Variants in ATAD2B observed in about 807,000 individuals in gnomAD.
ATAD2B encodes ATPase family AAA domain-containing protein 2B.
In ATAD2B, 40 loss-of-function variants were observed where a neutral mutation model predicts 167.6. That is an observed-to-expected ratio of 0.24 (90% CI 0.19 to 0.31). ATAD2B has a LOEUF of 0.31. ATAD2B is among the 10% of genes least tolerant of loss of function. The probability of loss-of-function intolerance (pLI) is 1.00; values close to 1 mark genes in which losing one functional copy is unlikely to be tolerated. For synonymous variants in ATAD2B, 579 were observed against 596.5 expected (o/e 0.97, Z 0.43); for missense variants, 1,242 against 1,757.2 (o/e 0.71, Z 5.24).
chr2:23,871,489 A>G (rs534590058), intron 8 of ATAD2B, among the ~76,000 whole-genome samples: 1 of 152,294 alleles, frequency 6.6e-6, no homozygotes, highest in East Asian at 1.9e-4. Context: ...TTTTCTGTCA[A>G]GCCTCACAGG....
intron 22 of ATAD2B, among the ~76,000 whole-genome samples, chr2:23,772,474 G>A (rs550302701): frequency 6.6e-6 from 1 of 151,852 alleles, no homozygotes. Flanking sequence ...TTCTACCTCG[G>A]CTTGAATGAA....
intron 1 of ATAD2B, among the ~76,000 whole-genome samples, chr2:23,902,871 T>C (rs892928813): frequency 6.6e-6 from 1 of 152,088 alleles, no homozygotes; most frequent in African/African-American, 2.4e-5. Context: ...TTGAAACCAG[T>C]CTGAGTAACA....
chr2:23,891,022 T>C (rs1444299675), intron 2 of ATAD2B, among the ~76,000 whole-genome samples: 8 of 46,162 alleles, frequency 1.7e-4, no homozygotes, highest in South Asian at 9.4e-4. Flanking sequence ...ATACTGAGAT[T>C]TTTTTTTTTT....
intron 16 of ATAD2B, among the ~76,000 whole-genome samples, chr2:23,821,349 C>A (rs1043856104): frequency 6.6e-6 from 1 of 152,098 alleles, no homozygotes; most frequent in Admixed American, 6.5e-5. Flanking sequence ...TTTTTTGGGA[C>A]GTTTTGGTAC....
At chr2:23,703,866 G>A in the ATAD2B span, 1 of 1,535,276 alleles carries the variant, frequency 6.5e-7, no homozygotes, top group Non-Finnish European at 8.7e-7. Flanking sequence ...TTCTGCAGGT[G>A]AGAGGCTGCG....
intron 14 of ATAD2B, among the ~76,000 whole-genome samples, chr2:23,830,421 G>A (rs1426223325): frequency 6.6e-6 from 1 of 152,176 alleles, no homozygotes. Flanking sequence ...TTTAAAAATT[G>A]AGTATGCTTG....
chr2:23,820,953 C>CA (rs986027189), intron 16 of ATAD2B, among the ~76,000 whole-genome samples: 19 of 148,500 alleles, frequency 1.3e-4, no homozygotes, highest in East Asian at 3.9e-4. Context: ...CGTCTCAAAA[C>CA]AAAAAAAAAG....
chr2:23,695,016 T>C, the ATAD2B span, among the ~76,000 whole-genome samples: 6 of 151,982 alleles, frequency 3.9e-5, no homozygotes, highest in African/African-American at 1.5e-4. The surrounding 1 kb of genome is among the most constrained non-coding windows in gnomAD (Gnocchi z 7.6). Flanking sequence ...GAAACGAAAG[T>C]AGAGTGATGA....
At chr2:23,847,524 G>A (rs184561367) in intron 13 of ATAD2B, among the ~76,000 whole-genome samples, 1 of 151,908 alleles carries the variant, frequency 6.6e-6, no homozygotes, top group African/African-American at 2.4e-5. Context: ...AGTCAGGTGG[G>A]TACAGTGGCA....
At chr2:23,842,722 A>T (rs544632638) in intron 13 of ATAD2B, among the ~76,000 whole-genome samples, 148 of 152,312 alleles carry the variant, frequency 9.7e-4, no homozygotes, top group Non-Finnish European at 1.9e-3. Flanking sequence ...AGGACACCCC[A>T]AACTCAGTCT....
rs1481095138 is a variant in ATAD2B, at chr2:23,770,321, T to TAAAC, written c.3134-4694_3134-4693insGTTT. On this transcript the variant is annotated intron_variant, in intron 22 of 27. Transcript: ENST00000238789. ...ACAGAGCAACTCTGTCTCCAAAAAA[T>TAAAC]AAATAAACAAATAAATAAATAAATA... Among the ~76,000 whole-genome samples the TAAAC allele has an allele frequency of 1.6e-3, 33 of 20,476 alleles. No individual in the cohort carries two copies. The South Asian group carries it at 0.027, about 17-fold the overall frequency. 13.4% of individuals were successfully genotyped at this position (20,476 alleles called of 152,430 possible).
intron 7 of ATAD2B, among the ~76,000 whole-genome samples, chr2:23,877,964 G>A (rs913468944): frequency 7.9e-6 from 1 of 127,316 alleles, no homozygotes; most frequent in Admixed American, 9.8e-5. Context: ...AGAATGCAGT[G>A]AGCCATGTTC....
At chr2:23,778,862 A>G (rs1679554278) in intron 22 of ATAD2B, among the ~76,000 whole-genome samples, 1 of 152,202 alleles carries the variant, frequency 6.6e-6, no homozygotes, top group South Asian at 2.1e-4. Context: ...CTGAATCCAA[A>G]GCCCATATTC....
intron 17 of ATAD2B, among the ~76,000 whole-genome samples, chr2:23,817,857 A>AGCCAT (rs2149596559): frequency 6.6e-6 from 1 of 152,304 alleles, no homozygotes; most frequent in African/African-American, 2.4e-5. Flanking sequence ...AAACAAAATG[A>AGCCAT]GCCATACCAA....
chr2:23,908,084 G>A (rs1701749714), intron 1 of ATAD2B, among the ~76,000 whole-genome samples: 1 of 152,180 alleles, frequency 6.6e-6, no homozygotes, highest in Admixed American at 6.5e-5. Context: ...CAATGGGCAA[G>A]GACTTCGTGT....
chr2:23,777,657 C>T (rs967613176), intron 22 of ATAD2B, among the ~76,000 whole-genome samples: 25 of 151,842 alleles, frequency 1.6e-4, no homozygotes, highest in East Asian at 1.2e-3. Context: ...AACATTAGGG[C>T]GAAAATTTCA....
rs756458184 is a variant in ATAD2B, at chr2:23,823,367, T to C, written c.2022A>G (p.Ala674=). 51 of 1,613,820 alleles carry C rather than the reference T, an allele frequency of 3.2e-5. No homozygotes were observed. In the South Asian group the frequency reaches 4.2e-4, roughly 13 times the overall value. Residue 674 remains alanine (A), a synonymous_variant, in exon 16 of 28, where the codon GCA becomes GCG. Transcript: ENST00000238789. ...GCAGTGGTCTTATGATGGGGGATAGTGCATGCCCTGAAGACATCACAGCAC... is the reference window on the plus strand; with the variant it reads ...GCAGTGGTCTTATGATGGGGGATAGCGCATGCCCTGAAGACATCACAGCAC... ...SQRAVMSSGH[A]LSPIIRPLLE... is the part of the protein sequence containing the mutation.
intron 21 of ATAD2B, among the ~76,000 whole-genome samples, chr2:23,785,107 G>T (rs1680628006): frequency 6.6e-6 from 1 of 151,990 alleles, no homozygotes; most frequent in Non-Finnish European, 1.5e-5. Context: ...CTTGCCAGGG[G>T]GGAGGAATGT....
chr2:23,703,317 G>A, the ATAD2B span: 1 of 1,546,250 alleles, frequency 6.5e-7, no homozygotes, highest in East Asian at 2.5e-5. Flanking sequence ...CGAGCTGCCG[G>A]CGTCCTCCAG....
Sources: gnomAD v4.1 joint callset for allele counts (sites outside exome capture counted in the v4.1 genomes callset) on GRCh38, gnomAD v4.1.1 for gene constraint, Gnocchi (gnomAD v3.1) non-coding constraint, MANE v1.5 for transcripts, NCBI Gene and HGNC (gene_info 2026-07-23, HGNC 2026-07-21) for gene names.